Variants in TEKT5 observed in about 807,000 individuals in gnomAD.
TEKT5 encodes tektin-5.
In TEKT5, 52 loss-of-function variants were observed where a neutral mutation model predicts 48.7. That is an observed-to-expected ratio of 1.07 (90% CI 0.86 to 1.35). TEKT5 has a LOEUF of 1.35. TEKT5 is among the 40% of genes most tolerant of loss of function. The pLI is 0.00. For synonymous variants in TEKT5, 318 were observed against 267.6 expected (o/e 1.19, Z -1.84); for missense variants, 831 against 641.6 (o/e 1.30, Z -3.19).
At chr16:10,652,492 AC>A (rs1166850458) in intron 5 of TEKT5, among the ~76,000 whole-genome samples, 6 of 122,934 alleles carry the variant, frequency 4.9e-5, no homozygotes, top group Non-Finnish European at 1.0e-4. Flanking sequence ...ACACACACAC[AC>A]ACCCTCCAGG....
At chr16:10,639,399 A>T (rs74007183) in intron 5 of TEKT5, among the ~76,000 whole-genome samples, 3,415 of 152,310 alleles carry the variant, frequency 0.022, 129 homozygotes, top group African/African-American at 0.079. Flanking sequence ...GATTGGGAAT[A>T]ATAGGAGTGC....
rs188259437 is a variant in TEKT5, at chr16:10,627,651, C to G, written c.1390G>C (p.Asp464His). Residue 464 changes from aspartate to histidine, a missense_variant, in exon 7 of 7, where the codon GAC (aspartate) becomes CAC (histidine). Asp to His is a moderately conservative substitution (Grantham distance 81). Coordinates refer to ENST00000283025, the MANE Select transcript of TEKT5 (RefSeq NM_144674.2). ...LAIKANTLCIDKEKCMGMRKT... is the reference protein window; with the variant it reads ...LAIKANTLCIHKEKCMGMRKT... ...CGCATGCCCATGCACTTCTCCTTGTCGATGCAGAGGGTGTTGGCCTTGATG... is the reference window on the plus strand; with the variant it reads ...CGCATGCCCATGCACTTCTCCTTGTGGATGCAGAGGGTGTTGGCCTTGATG... The G allele has an allele frequency of 3.1e-6, 5 of 1,614,014 alleles. No homozygotes were observed. The highest frequency in any genetic ancestry group is 1.7e-5 in the Admixed American group (1 of 60,006).
At chr16:10,686,427 A>C (rs1165412343) in intron 3 of TEKT5, among the ~76,000 whole-genome samples, 1 of 151,692 alleles carries the variant, frequency 6.6e-6, no homozygotes, top group African/African-American at 2.4e-5. Context: ...ACTGCACTCC[A>C]GCCTGGGTGA....
intron 6 of TEKT5, among the ~76,000 whole-genome samples, chr16:10,628,643 G>A (rs187150884): frequency 2.0e-5 from 3 of 152,246 alleles, no homozygotes; most frequent in Admixed American, 6.5e-5. Context: ...GGTGGCTCAC[G>A]CCTGAAATCC....
At chr16:10,650,380 G>A (rs993685760) in intron 5 of TEKT5, among the ~76,000 whole-genome samples, 1 of 151,760 alleles carries the variant, frequency 6.6e-6, no homozygotes, top group Non-Finnish European at 1.5e-5. Context: ...GGATTACAGG[G>A]GTGAGCCACT....
intron 5 of TEKT5, among the ~76,000 whole-genome samples, chr16:10,672,611 A>G (rs1486641200): frequency 6.6e-6 from 1 of 152,138 alleles, no homozygotes; most frequent in African/African-American, 2.4e-5. Flanking sequence ...CCACCTCAAC[A>G]TTGTAGATTC....
At chr16:10,630,386 C>A (rs1897822011) in intron 6 of TEKT5, among the ~76,000 whole-genome samples, 2 of 152,150 alleles carry the variant, frequency 1.3e-5, no homozygotes, top group Admixed American at 1.3e-4. Flanking sequence ...CAGGCAGGCA[C>A]CACCACACCT....
chr16:10,654,029 T>C (rs1189624805), intron 5 of TEKT5, among the ~76,000 whole-genome samples: 4 of 146,736 alleles, frequency 2.7e-5, no homozygotes, highest in Admixed American at 1.3e-4. Context: ...TGTGTGTGTG[T>C]GCACATGTGT....
chr16:10,663,792 T>A (rs949128597), intron 5 of TEKT5, among the ~76,000 whole-genome samples: 2 of 152,174 alleles, frequency 1.3e-5, no homozygotes, highest in Admixed American at 6.5e-5. Context: ...ACCAAAAATG[T>A]CTCCAGATAT....
Position 10,676,611 on chromosome 16 carries a change from C to T in TEKT5, c.864-430G>A, listed in dbSNP as rs76161072. ...CACACCACCACCACCAGAAACACAA[C>T]GTGGACAAGCCAAGAAGCAGGCTTT... On this transcript the variant is annotated intron_variant, in intron 4 of 6. Coordinates refer to ENST00000283025, the MANE Select transcript of TEKT5 (RefSeq NM_144674.2). 6.2e-3 allele frequency among the ~76,000 whole-genome samples: 943 copies of T among 152,292 alleles called. 6 individuals carry two copies. The highest frequency in any genetic ancestry group is 0.021 in the African/African-American group (881 of 41,550).
chr16:10,684,950 T>A (rs956218029), intron 3 of TEKT5, among the ~76,000 whole-genome samples: 1 of 152,234 alleles, frequency 6.6e-6, no homozygotes, highest in African/African-American at 2.4e-5. Flanking sequence ...GTTGGCCACC[T>A]GAGCAGGTCA....
At chr16:10,652,765 AACACACACACACACACAC>A (rs59542661) in intron 5 of TEKT5, among the ~76,000 whole-genome samples, 1,734 of 33,958 alleles carry the variant, frequency 0.051, 133 homozygotes, top group Middle Eastern at 0.12. Flanking sequence ...TACACAGGCA[AACACACACACACACACAC>A]ACACACACAC....
chr16:10,651,220 T>C (rs1898150792), intron 5 of TEKT5, among the ~76,000 whole-genome samples: 1 of 152,128 alleles, frequency 6.6e-6, no homozygotes, highest in Admixed American at 6.6e-5. Context: ...ACATGCCTCA[T>C]TCTCTCACCT....
rs1307639508 is a variant in TEKT5, at chr16:10,682,277, T to C, written c.720-141A>G. The C allele has an allele frequency of 3.6e-6, 3 of 831,482 alleles. No individual in the cohort carries two copies. In the East Asian group the frequency reaches 7.6e-5, roughly 21 times the overall value. 51.5% of individuals were successfully genotyped at this position (831,482 alleles called of 1,614,324 possible). On this transcript the variant is annotated intron_variant, in intron 3 of 6. Transcript: ENST00000283025. ...TCTCAGTCCTCTTCCCACCTCCATG[T>C]CCCACCACATACCCAGAGGCTCCCC...
intron 5 of TEKT5, among the ~76,000 whole-genome samples, chr16:10,646,969 G>A (rs1398406308): frequency 6.6e-6 from 1 of 152,198 alleles, no homozygotes; most frequent in Non-Finnish European, 1.5e-5. Flanking sequence ...GGGGGCAGTG[G>A]GTGGGATGTA....
At chr16:10,643,491 C>A (rs2719630) in intron 5 of TEKT5, among the ~76,000 whole-genome samples, 44,919 of 152,120 alleles carry the variant, frequency 0.3, 8,461 homozygotes, top group African/African-American at 0.51. Flanking sequence ...TCTTCACATA[C>A]TATTCATGCT....
At chr16:10,630,668 G>C (rs1393461653) in intron 6 of TEKT5, among the ~76,000 whole-genome samples, 1 of 152,228 alleles carries the variant, frequency 6.6e-6, no homozygotes, top group Non-Finnish European at 1.5e-5. Flanking sequence ...TGGGGCTAAT[G>C]AACACTTGAA....
intron 6 of TEKT5, among the ~76,000 whole-genome samples, chr16:10,632,995 C>T (rs560439190): frequency 7.9e-5 from 12 of 152,030 alleles, no homozygotes; most frequent in Middle Eastern, 3.4e-3. Flanking sequence ...GAACGGGAAA[C>T]GGGAAGGCAG....
intron 5 of TEKT5, among the ~76,000 whole-genome samples, chr16:10,660,007 C>A (rs773035429): frequency 6.6e-6 from 1 of 152,152 alleles, no homozygotes; most frequent in African/African-American, 2.4e-5. Flanking sequence ...ACTCTCAATA[C>A]GTATTACTAT....
Sources: allele counts gnomAD v4.1 joint callset (sites outside exome capture counted in the v4.1 genomes callset), GRCh38; gene constraint gnomAD v4.1.1; transcripts MANE v1.5; gene names NCBI Gene and HGNC (gene_info 2026-07-23, HGNC 2026-07-21).